The following RHOBTB3 variants were observed in gnomAD, a reference collection of about 807,000 sequenced individuals.
The protein encoded by RHOBTB3 is Rho related BTB domain containing 3.
A neutral mutation model predicts 67.2 loss-of-function variants in RHOBTB3; 47 were observed. The observed-to-expected ratio is 0.70, with a 90% CI of 0.55 to 0.89. The LOEUF (loss-of-function observed/expected upper bound fraction) is 0.89, where lower values mean the gene tolerates loss of function less well. Ranked by LOEUF, RHOBTB3 falls within the 40% of genes least tolerant of loss-of-function variation. RHOBTB3 has a pLI of 0.00. For synonymous variants in RHOBTB3, 273 were observed against 274.2 expected (o/e 1.00, Z 0.04); for missense variants, 631 against 750.0 (o/e 0.84, Z 1.85).
chr5:95,792,909 G>T, intron 11 of RHOBTB3, 150 bp from the exon 12 acceptor site: 1 of 548,340 alleles, frequency 1.8e-6, no homozygotes, highest in Non-Finnish European at 3.2e-6. Flanking sequence ...AACCAAAATG[G>T]TAGTAAATTA....
chr5:95,727,030 C>T (rs1393044000), upstream of RHOBTB3, among the ~76,000 whole-genome samples: 1 of 151,878 alleles, frequency 6.6e-6, no homozygotes, highest in African/African-American at 2.4e-5. Flanking sequence ...CAGGGATCAT[C>T]TTCTGTACCC....
chr5:95,792,809 A>G (rs114131374), intron 11 of RHOBTB3, among the ~76,000 whole-genome samples: 2,933 of 151,414 alleles, frequency 0.019, 44 homozygotes, highest in Middle Eastern at 0.038. Context: ...AAAAAAAAAG[A>G]AAAGGAAAAT....
At position 95,745,361 on chromosome 5, in the gene RHOBTB3, A is replaced by G. The variant is rs561327797; in HGVS notation, c.416-2972A>G. On this transcript the variant is annotated intron_variant, in intron 3 of 11. Transcript: ENST00000379982. ...TCTTCATCATACTTGGCTCTGAATAAATTTTCGGCTTATACTAAATATTGA... is the reference window on the plus strand; with the variant it reads ...TCTTCATCATACTTGGCTCTGAATAGATTTTCGGCTTATACTAAATATTGA... Among the ~76,000 whole-genome samples the G allele has an allele frequency of 6.6e-5, 10 of 152,222 alleles. No individual in the cohort carries two copies. The South Asian group carries it at 2.1e-3, about 32-fold the overall frequency.
At position 95,731,595 on chromosome 5, in the gene RHOBTB3, T is replaced by C. The variant is rs1755252521; in HGVS notation, c.-88T>C. 1 of 1,585,374 alleles carries C rather than the reference T, an allele frequency of 6.3e-7. No homozygotes were observed. The highest frequency in any genetic ancestry group is 8.6e-7 in the Non-Finnish European group (1 of 1,166,416). ...GGGACGCGGCCGGGGATGAGCGGAT[T>C]GCGGGTGAACTCGCCGCCCGGGGGC... On this transcript the variant is annotated 5_prime_UTR_variant, in exon 1 of 12. Coordinates refer to ENST00000379982, the MANE Select transcript of RHOBTB3 (RefSeq NM_014899.4).
Position 95,792,398 on chromosome 5 carries a change from A to AAAAAGAAAAG in RHOBTB3, c.1721-636_1721-627dup, listed in dbSNP as rs61678250. 6.9e-5 allele frequency among the ~76,000 whole-genome samples: 9 copies of AAAAAGAAAAG among 129,692 alleles called. No individual in the cohort carries two copies. The East Asian group carries it at 1.5e-3, about 21-fold the overall frequency. The allele number at this position is 129,692 out of a possible 152,430, so 85.1% of individuals were successfully genotyped here. ...CAAGACTCCGTCTCAGAAAAAAAAA[A>AAAAAGAAAAG]AAAAGAAAAGAAAAGAAAAGAAAAG... On this transcript the variant is annotated intron_variant, in intron 11 of 11. Transcript: ENST00000379982.
chr5:95,733,384 T>C (rs914080909), intron 2 of RHOBTB3, among the ~76,000 whole-genome samples: 1 of 152,176 alleles, frequency 6.6e-6, no homozygotes, highest in Non-Finnish European at 1.5e-5. Context: ...CAACATGCAG[T>C]TGAATAAATG....
intron 8 of RHOBTB3, 146 bp from the exon 9 acceptor site, chr5:95,780,106 A>T: frequency 1.7e-6 from 1 of 573,198 alleles, no homozygotes; most frequent in Non-Finnish European, 3.1e-6. Context: ...AAGTTTCTGG[A>T]TTAATGGTAG....
chr5:95,731,734 G>A (rs1755265613), intron 1 of RHOBTB3, 50 bp downstream of exon 1: 1 of 1,612,136 alleles, frequency 6.2e-7, no homozygotes, highest in South Asian at 1.1e-5. Context: ...CGCGTGCCGT[G>A]CGCCCCAGGG....
rs1432785684 is a variant in RHOBTB3 at position 95,795,051 on chromosome 5, G to T, written c.*1877G>T. The stretch of plus-strand genomic sequence containing the variant: ...TGGGAGGTGGAAGTTGCAGTGAGCC[G>T]AGATCGCACCACTGCACTCCAGCCT... On this transcript the variant is annotated 3_prime_UTR_variant, in exon 12 of 12. Transcript: ENST00000379982. The T allele has an allele frequency of 1.4e-5, 2 of 146,674 alleles. No individual in the cohort carries two copies. 9.1% of individuals were successfully genotyped at this position (146,674 alleles called of 1,614,324 possible). A position where few individuals can be genotyped will look rare whatever the true frequency, so the allele number is the denominator to read the frequency against.
chr5:95,756,416 G>A (rs866944969), intron 6 of RHOBTB3, among the ~76,000 whole-genome samples: 8 of 152,274 alleles, frequency 5.3e-5, no homozygotes, highest in African/African-American at 1.2e-4. Context: ...ATCCATGGAC[G>A]CTTGGGTTGC....
intron 8 of RHOBTB3, chr5:95,770,016 G>C (rs761816888): frequency 6.4e-5 from 25 of 390,854 alleles, no homozygotes; most frequent in East Asian, 1.5e-4. Context: ...TTTGGAGAAG[G>C]GGGTAGGCCT....
In RHOBTB3 at chr5:95,731,376, G is replaced by C. The variant is rs1755237612; in HGVS notation, c.-307G>C. 1 of 1,157,968 alleles carries C rather than the reference G, an allele frequency of 8.6e-7. No individual in the cohort carries two copies. The highest frequency in any genetic ancestry group is 1.1e-6 in the Non-Finnish European group (1 of 943,836). The allele number at this position is 1,157,968 out of a possible 1,614,324, so 71.7% of individuals were successfully genotyped here. On this transcript the variant is annotated 5_prime_UTR_variant, in exon 1 of 12. Transcript: ENST00000379982. ...CTGCCAGCCGAGGAGGCGCGGCGGA[G>C]AGGGGACTGCGGTCAGCTGCGTCCA...
rs1259679385 is a variant in RHOBTB3 at position 95,766,611 on chromosome 5, AAAG to A, written c.1162-1433_1162-1431del. 5.3e-5 allele frequency among the ~76,000 whole-genome samples: 8 copies of A among 151,836 alleles called. No individual in the cohort carries two copies. The South Asian group carries it at 8.3e-4, about 16-fold the overall frequency. On this transcript the variant is annotated intron_variant, in intron 7 of 11. Transcript: ENST00000379982. ...GACTAAAATTTAAAAAAAAAAAAAA[AAAG>A]AGAAAGAAAGCAAAGCAAAGAAAAA...
At chr5:95,781,855 A>G (rs989570447) in intron 9 of RHOBTB3, 4 of 55,510 alleles carry the variant, frequency 7.2e-5, no homozygotes, top group Non-Finnish European at 1.4e-4. Context: ...GTCTCAAAAA[A>G]AGACTTAGTA....
chr5:95,738,457 G>A (rs1476669148), intron 3 of RHOBTB3, among the ~76,000 whole-genome samples: 2 of 152,146 alleles, frequency 1.3e-5, no homozygotes, highest in Non-Finnish European at 2.9e-5. Context: ...TGGGCAGTGA[G>A]ACTTTAGGAG....
intron 8 of RHOBTB3, 113 bp from the exon 9 acceptor site, chr5:95,780,139 C>G (rs1746004601): frequency 1.4e-6 from 1 of 721,054 alleles, no homozygotes; most frequent in Admixed American, 3.0e-5. Flanking sequence ...AATTCAGATT[C>G]TGCATATCAG....
rs556571465 is a variant in RHOBTB3 at position 95,780,035 on chromosome 5, G to A, written c.1283-217G>A. 4.1e-4 allele frequency: 190 copies of A among 466,438 alleles called. 1 individual carries two copies. Among genetic ancestry groups the A allele is most frequent in the Non-Finnish European group, 7.6e-5 (20 of 263,096 alleles). The allele number at this position is 466,438 out of a possible 1,614,324, so 28.9% of individuals were successfully genotyped here. A position where few individuals can be genotyped will look rare whatever the true frequency, so the allele number is the denominator to read the frequency against. On this transcript the variant is annotated intron_variant, in intron 8 of 11. Coordinates refer to ENST00000379982, the MANE Select transcript of RHOBTB3 (RefSeq NM_014899.4). ...AAGTAACAAATTGTTGTCTTGACTT[G>A]CAAATTGTTGGTTTCAAGGTCAACA...
At chr5:95,767,762 A>G (rs1386868540) in intron 7 of RHOBTB3, 1 of 697,134 alleles carries the variant, frequency 1.4e-6, no homozygotes, top group East Asian at 2.7e-5. Context: ...ACAAAGACTC[A>G]TAGGGTTTCA....
At position 95,731,543 on chromosome 5, in the gene RHOBTB3, G is replaced by T; in HGVS notation, c.-140G>T. The T allele has an allele frequency of 7.0e-7, 1 of 1,427,774 alleles. No individual in the cohort carries two copies. Among genetic ancestry groups the T allele is most frequent in the East Asian group, 2.9e-5 (1 of 34,254 alleles). 88.4% of individuals were successfully genotyped at this position (1,427,774 alleles called of 1,614,324 possible). A position where few individuals can be genotyped will look rare whatever the true frequency, so the allele number is the denominator to read the frequency against. On this transcript the variant is annotated 5_prime_UTR_variant, in exon 1 of 12. Coordinates refer to ENST00000379982, the MANE Select transcript of RHOBTB3 (RefSeq NM_014899.4). ...GCGGCCCCGGCCCCGCTCTGCGTCG[G>T]CCCCGCCGCGGTGGAGGCGCGCGAG...
Sources: gnomAD v4.1 joint callset for allele counts (sites outside exome capture counted in the v4.1 genomes callset) on GRCh38, gnomAD v4.1.1 for gene constraint, MANE v1.5 for transcripts, NCBI Gene and HGNC (gene_info 2026-07-23, HGNC 2026-07-21) for gene names.